The following SLCO1A2 variants were observed in gnomAD, a reference collection of about 807,000 sequenced individuals.
SLCO1A2 encodes OATP-1.
In SLCO1A2, 67 loss-of-function variants were observed where a neutral mutation model predicts 69.0. The observed-to-expected ratio is 0.97, with a 90% confidence interval of 0.80 to 1.19. The LOEUF (loss-of-function observed/expected upper bound fraction) is 1.19, where lower values mean the gene tolerates loss of function less well. Ranked by LOEUF, SLCO1A2 falls within the 50% of genes most tolerant of loss-of-function variation. The pLI is 0.00. For missense variants in SLCO1A2, 787 were observed against 793.7 expected (o/e 0.99, Z 0.10); for synonymous variants, 260 against 265.9 (o/e 0.98, Z 0.22).
At chr12:21,367,006 T>C (rs1939438876) in intron 2 of SLCO1A2, among the ~76,000 whole-genome samples, 1 of 151,938 alleles carries the variant, frequency 6.6e-6, no homozygotes. Flanking sequence ...ATACACTGAG[T>C]TTCCAGCTCA....
intron 12 of SLCO1A2, among the ~76,000 whole-genome samples, chr12:21,289,639 T>G (rs1352265541): frequency 6.6e-6 from 1 of 152,042 alleles, no homozygotes; most frequent in African/African-American, 2.4e-5. Context: ...TATAATAACC[T>G]TCATAATAAA....
intron 2 of SLCO1A2, among the ~76,000 whole-genome samples, chr12:21,365,091 C>T (rs1486041477): frequency 3.9e-5 from 6 of 152,156 alleles, no homozygotes; most frequent in African/African-American, 9.7e-5. Context: ...ATTGCCAATA[C>T]GATCCTAAGC....
chr12:21,388,356 T>A (rs1003220091), intron 1 of SLCO1A2, among the ~76,000 whole-genome samples: 3 of 152,094 alleles, frequency 2.0e-5, no homozygotes, highest in Non-Finnish European at 4.4e-5. Context: ...GCTCCCATAA[T>A]CCCCATGTGT....
At chr12:21,342,989 T>C (rs929556141) in intron 2 of SLCO1A2, among the ~76,000 whole-genome samples, 1 of 152,102 alleles carries the variant, frequency 6.6e-6, no homozygotes, top group African/African-American at 2.4e-5. Flanking sequence ...TGACATGACC[T>C]GTGCGTCACA....
chr12:21,348,919 G>A (rs1321399921), intron 2 of SLCO1A2, among the ~76,000 whole-genome samples: 1 of 152,074 alleles, frequency 6.6e-6, no homozygotes, highest in East Asian at 1.9e-4. Flanking sequence ...TACGGCCTTC[G>A]GGTGGTAATG....
At chr12:21,386,631 G>A (rs1267460837) in intron 1 of SLCO1A2, among the ~76,000 whole-genome samples, 1 of 152,090 alleles carries the variant, frequency 6.6e-6, no homozygotes, top group Admixed American at 6.6e-5. Context: ...CAGCCATGTG[G>A]AACTGTGAGT....
chr12:21,312,330 C>T (rs1050114613), intron 4 of SLCO1A2, among the ~76,000 whole-genome samples: 2 of 152,190 alleles, frequency 1.3e-5, no homozygotes, highest in African/African-American at 2.4e-5. Context: ...TCTTAACTTT[C>T]GTAGAATAGA....
At chr12:21,398,188 G>A (rs1941547130), upstream of SLCO1A2, among the ~76,000 whole-genome samples, 1 of 150,298 alleles carries the variant, frequency 6.7e-6, no homozygotes, top group African/African-American at 2.4e-5. Context: ...ATGATAAAGG[G>A]GATGTCACCA....
intron 1 of SLCO1A2, among the ~76,000 whole-genome samples, chr12:21,401,428 A>T (rs1341990651): frequency 6.6e-6 from 1 of 151,836 alleles, no homozygotes; most frequent in African/African-American, 2.4e-5. Flanking sequence ...AAGAATACAA[A>T]ATTTTATATT....
intron 9 of SLCO1A2, among the ~76,000 whole-genome samples, chr12:21,296,721 G>C (rs1437261109): frequency 6.6e-6 from 1 of 152,176 alleles, no homozygotes; most frequent in South Asian, 2.1e-4. Flanking sequence ...CTGGCTCCCC[G>C]AATCATATTA....
intron 1 of SLCO1A2, among the ~76,000 whole-genome samples, chr12:21,385,970 A>G (rs1940858073): frequency 6.6e-6 from 1 of 152,248 alleles, no homozygotes; most frequent in Non-Finnish European, 1.5e-5. Context: ...GTACCCAGAT[A>G]TTCAAACTCA....
At chr12:21,315,428 AAAAC>A (rs1234472951) in intron 3 of SLCO1A2, among the ~76,000 whole-genome samples, 1 of 152,238 alleles carries the variant, frequency 6.6e-6, no homozygotes, top group Non-Finnish European at 1.5e-5. Flanking sequence ...AGATTTGAAA[AAAAC>A]AAATATACGA....
At chr12:21,356,794 A>G (rs1938402577) in intron 2 of SLCO1A2, among the ~76,000 whole-genome samples, 1 of 152,160 alleles carries the variant, frequency 6.6e-6, no homozygotes, top group Non-Finnish European at 1.5e-5. Context: ...TAAAAAGTAT[A>G]AAGAAGGATT....
intron 9 of SLCO1A2, among the ~76,000 whole-genome samples, chr12:21,296,207 T>C (rs1334003579): frequency 1.3e-5 from 2 of 152,166 alleles, no homozygotes; most frequent in Non-Finnish European, 2.9e-5. Flanking sequence ...ATCCTCACTT[T>C]GGTTGTGAAG....
At chr12:21,326,006 T>C (rs1258850195) in intron 2 of SLCO1A2, among the ~76,000 whole-genome samples, 1 of 152,142 alleles carries the variant, frequency 6.6e-6, no homozygotes, top group Non-Finnish European at 1.5e-5. Flanking sequence ...GTAGCTCCCA[T>C]AATCCCCACA....
chr12:21,293,237 A>T (rs2136322600), intron 11 of SLCO1A2, among the ~76,000 whole-genome samples: 1 of 152,268 alleles, frequency 6.6e-6, no homozygotes, highest in African/African-American at 2.4e-5. Context: ...TGGGAGGTGG[A>T]GGTTGCAGTG....
chr12:21,411,453 T>G (rs188324111), intron 1 of SLCO1A2, among the ~76,000 whole-genome samples: 4 of 152,326 alleles, frequency 2.6e-5, no homozygotes, highest in African/African-American at 9.6e-5. Flanking sequence ...GCTCATTCTA[T>G]TACACTGTGT....
intron 1 of SLCO1A2, among the ~76,000 whole-genome samples, chr12:21,388,722 A>T (rs549560053): frequency 2.0e-5 from 3 of 152,320 alleles, no homozygotes; most frequent in South Asian, 4.1e-4. Flanking sequence ...GGCATTGACC[A>T]AAGCATGAAA....
At chr12:21,312,853 T>TG (rs1950394437) in intron 4 of SLCO1A2, among the ~76,000 whole-genome samples, 1 of 152,036 alleles carries the variant, frequency 6.6e-6, no homozygotes, top group African/African-American at 2.4e-5. Flanking sequence ...GCAGGCGCAT[T>TG]GCTTGAACCC....
Sources: allele counts gnomAD v4.1 joint callset (sites outside exome capture counted in the v4.1 genomes callset), GRCh38; gene constraint gnomAD v4.1.1; transcripts MANE v1.5; gene names NCBI Gene and HGNC (gene_info 2026-07-23, HGNC 2026-07-21).